The following CCNF variants were observed in gnomAD, a reference collection of about 807,000 sequenced individuals.
The protein encoded by CCNF is cyclin-F.
CCNF carries 30 observed loss-of-function variants against 85.4 expected under a neutral mutation model. The ratio of observed to expected loss-of-function variants is 0.35; its 90% CI spans 0.26 to 0.48. CCNF has a LOEUF of 0.48. Ranked by LOEUF, CCNF falls within the 20% of genes least tolerant of loss-of-function variation. The pLI is 0.99. For synonymous variants in CCNF, 439 were observed against 425.1 expected (o/e 1.03, Z -0.40); for missense variants, 919 against 1,010.4 (o/e 0.91, Z 1.23).
Position 2,458,086 on chromosome 16 carries a change from A to T in CCNF, c.*1066A>T, listed in dbSNP as rs559133661. On this transcript the variant is annotated 3_prime_UTR_variant, in exon 17 of 17. Transcript: ENST00000397066. ...ACGGAGACTCTGCTCCTGCATGGAA[A>T]GGGAGCCTGGGAGCCAGCAGCCCAC... 6.6e-6 allele frequency: 1 copy of T among 152,158 alleles called. No individual in the cohort carries two copies. Among genetic ancestry groups the T allele is most frequent in the South Asian group, 2.1e-4 (1 of 4,822 alleles). 9.4% of individuals were successfully genotyped at this position (152,158 alleles called of 1,614,324 possible). A position where few individuals can be genotyped will look rare whatever the true frequency, so the allele number is the denominator to read the frequency against.
At position 2,453,467 on chromosome 16, in the gene CCNF, C is replaced by T. The variant is rs749266540; in HGVS notation, c.1645C>T (p.Pro549Ser). ...AGGAGTGACACAAGACAGCCCCGAC[C>T]CCCCGACTTTCCTCAGCACAGGGGA... ...ALGVTQDSPD[P>S]PTFLSTGEIH... is the part of the protein sequence containing the mutation. Residue 549 changes from proline (P) to serine (S), a missense_variant, in exon 15 of 17, where the codon CCC (proline) becomes TCC (serine). Pro to Ser is a moderately conservative substitution (Grantham distance 74). Transcript: ENST00000397066. This position sits in a 1 kb window ranked among gnomAD's most constrained non-coding sequence, Gnocchi z 5.6. 58 of 1,613,960 alleles carry T rather than the reference C, an allele frequency of 3.6e-5. No homozygotes were observed. Among genetic ancestry groups the T allele is most frequent in the Non-Finnish European group, 4.3e-5 (51 of 1,180,008 alleles).
At chr16:2,443,533 G>T in intron 8 of CCNF, 116 bp from the exon 9 acceptor site, 1 of 942,796 alleles carries the variant, frequency 1.1e-6, no homozygotes, top group Non-Finnish European at 1.6e-6. Flanking sequence ...GAAGGTTTAA[G>T]TTAAGTAGGG....
Position 2,456,305 on chromosome 16 carries a change from G to C in CCNF, c.1886-240G>C. ...CAGTTTCCCGGTTGCTTGCTTCTGCGTCCACTTGGCTTGAGCTAGATGGCC... is the reference window on the plus strand; with the variant it reads ...CAGTTTCCCGGTTGCTTGCTTCTGCCTCCACTTGGCTTGAGCTAGATGGCC... On this transcript the variant is annotated intron_variant, in intron 16 of 16. Transcript: ENST00000397066. The surrounding 1 kb of genome is among the most constrained non-coding windows in gnomAD (Gnocchi z 4.5). 1 of 457,702 alleles carries C rather than the reference G, an allele frequency of 2.2e-6. No individual in the cohort carries two copies. The highest frequency in any genetic ancestry group is 3.9e-6 in the Non-Finnish European group (1 of 259,114). 28.4% of individuals were successfully genotyped at this position (457,702 alleles called of 1,614,324 possible).
rs2065403116 is a variant in CCNF, at chr16:2,452,977, A to G, written c.1488-233A>G. On this transcript the variant is annotated intron_variant, in intron 13 of 16. Coordinates refer to ENST00000397066, the MANE Select transcript of CCNF (RefSeq NM_001761.3). The surrounding 1 kb of genome is among the most constrained non-coding windows in gnomAD (Gnocchi z 4.1). ...GCCTATTGTGAACAGTCCTGCCATG[A>G]ACATTCTAGTACAGGTTTCTGTGTG... 1 of 580,716 alleles carries G rather than the reference A, an allele frequency of 1.7e-6. No homozygotes were observed. The highest frequency in any genetic ancestry group is 3.0e-5 in the Admixed American group (1 of 33,642). 36.0% of individuals were successfully genotyped at this position (580,716 alleles called of 1,614,324 possible). A position where few individuals can be genotyped will look rare whatever the true frequency, so the allele number is the denominator to read the frequency against.
At chr16:2,438,635 A>G (rs1435893400) in intron 6 of CCNF, among the ~76,000 whole-genome samples, 1 of 150,086 alleles carries the variant, frequency 6.7e-6, no homozygotes, top group East Asian at 2.0e-4. Flanking sequence ...AGTGAGACTC[A>G]GTCTCAGAAA....
At position 2,437,848 on chromosome 16, in the gene CCNF, G is replaced by A. The variant is rs778842501; in HGVS notation, c.541-222G>A. 306 of 520,274 alleles carry A rather than the reference G, an allele frequency of 5.9e-4. 1 individual carries two copies. Among genetic ancestry groups the A allele is most frequent in the African/African-American group, 1.1e-3 (57 of 51,802 alleles). 32.2% of individuals were successfully genotyped at this position (520,274 alleles called of 1,614,324 possible). On this transcript the variant is annotated intron_variant, in intron 5 of 16. Transcript: ENST00000397066. ...TGGGAGGTTGAGCTTGCAATGAGCC[G>A]TGACTATGCCAATGCACTCCAGCCT...
intron 2 of CCNF, 54 bp from the exon 3 acceptor site, chr16:2,432,907 G>T: frequency 9.0e-7 from 1 of 1,108,872 alleles, no homozygotes. Context: ...CTCCAGGTGT[G>T]GGGCTTTTGG....
In CCNF at chr16:2,448,878, C is replaced by G. The variant is rs530420264; in HGVS notation, c.1118C>G (p.Thr373Ser). The G allele has an allele frequency of 3.1e-6, 5 of 1,613,916 alleles. No homozygotes were observed. Among genetic ancestry groups the G allele is most frequent in the African/African-American group, 1.3e-5 (1 of 75,062 alleles). Residue 373 changes from threonine (T) to serine (S), a missense_variant, in exon 11 of 17, where the codon ACC (threonine) becomes AGC (serine). Around this residue, in one of 3 missense-constraint regions of CCNF, gnomAD observed 410 missense variants for 478.6 expected, o/e 0.86. Coordinates refer to ENST00000397066, the MANE Select transcript of CCNF (RefSeq NM_001761.3). ...CTRFISKEIL[T>S]IREAVWLTDN... is the part of the protein sequence containing the mutation. ...AGGTTTATCAGTAAAGAGATCCTGA[C>G]CATCCGGGAGGCCGTATGGCTCACG... is the stretch of plus-strand genomic sequence containing the variant.
chr16:2,443,913 C>T, intron 9 of CCNF, 113 bp downstream of exon 9: 1 of 883,926 alleles, frequency 1.1e-6, no homozygotes, highest in East Asian at 2.8e-5. Context: ...GCATAGAGTT[C>T]CCTTATCACC....
Position 2,448,842 on chromosome 16 carries a change from C to G in CCNF, c.1095-13C>G, listed in dbSNP as rs1286254509. On this transcript the variant is annotated splice_polypyrimidine_tract_variant and intron_variant, in intron 10 of 16. Transcript: ENST00000397066. ...AGTGGGCTCCACCCTGAGACCCCTTCTCGGCGTTGCAGGTTTATCAGTAAA... is the reference window on the plus strand; with the variant it reads ...AGTGGGCTCCACCCTGAGACCCCTTGTCGGCGTTGCAGGTTTATCAGTAAA... 1 of 1,613,030 alleles carries G rather than the reference C, an allele frequency of 6.2e-7. No homozygotes were observed. The highest frequency in any genetic ancestry group is 8.5e-7 in the Non-Finnish European group (1 of 1,179,260).
Position 2,439,777 on chromosome 16 carries a change from G to C in CCNF, c.728G>C (p.Ser243Thr), listed in dbSNP as rs1443719473. ...TCAGATCCTGGGCGATGCCTCCACA[G>C]CTTCCGAAAACTCAGGGACTACGCT... ...DVSDPGRCLH[S>T]FRKLRDYAAK... The change falls in exon 8 of 17, where the codon AGC (serine) becomes ACC (threonine). Residue 243 changes from serine (S) to threonine (T), a missense_variant. Coordinates refer to ENST00000397066, the MANE Select transcript of CCNF (RefSeq NM_001761.3). 6.2e-7 allele frequency: 1 copy of C among 1,614,196 alleles called. No individual in the cohort carries two copies. The highest frequency in any genetic ancestry group is 8.5e-7 in the Non-Finnish European group (1 of 1,180,008).
chr16:2,451,256 CCCTT>C lies in CCNF; in HGVS notation c.1487+1343_1487+1346del. Among the ~76,000 whole-genome samples, 1 of 152,322 alleles carries C rather than the reference CCCTT, an allele frequency of 6.6e-6. No homozygotes were observed. Among genetic ancestry groups the C allele is most frequent in the Middle Eastern group, 3.4e-3 (1 of 294 alleles). On this transcript the variant is annotated intron_variant, in intron 13 of 16. Coordinates refer to ENST00000397066, the MANE Select transcript of CCNF (RefSeq NM_001761.3). This position sits in a 1 kb window ranked among gnomAD's most constrained non-coding sequence, Gnocchi z 4.3. ...GCAGGTGGCGCGGGCGGGGGCGACT[CCCTT>C]CAGGGAGCGTAGCCGGGGTCACCTG...
intron 10 of CCNF, among the ~76,000 whole-genome samples, chr16:2,448,634 G>A (rs564220287): frequency 1.3e-5 from 2 of 152,194 alleles, no homozygotes; most frequent in South Asian, 2.1e-4. Flanking sequence ...GGGTGGTCTC[G>A]AACTCCTGGC....
At chr16:2,455,255 G>A (rs1026047332) in intron 15 of CCNF, 140 bp from the exon 16 acceptor site, 67 of 1,139,692 alleles carry the variant, frequency 5.9e-5, no homozygotes, top group Admixed American at 1.8e-4. Context: ...TAGCTTCACC[G>A]GCATCTTCTT....
chr16:2,457,253 C>A lies in CCNF; in HGVS notation c.*233C>A, dbSNP rs895394399. ...CTCTTTGGAAAGTTTAGCCTGGAAG[C>A]AGTTGGCCACACTGTGTGGAGGGCA... On this transcript the variant is annotated 3_prime_UTR_variant, in exon 17 of 17. Coordinates refer to ENST00000397066, the MANE Select transcript of CCNF (RefSeq NM_001761.3). 1 of 479,916 alleles carries A rather than the reference C, an allele frequency of 2.1e-6. No individual in the cohort carries two copies. The highest frequency in any genetic ancestry group is 3.9e-5 in the Admixed American group (1 of 25,874). 29.7% of individuals were successfully genotyped at this position (479,916 alleles called of 1,614,324 possible).
At position 2,455,331 on chromosome 16, in the gene CCNF, G is replaced by T. The variant is rs554344820; in HGVS notation, c.1716-64G>T. ...CACGCGGGTGTTAGAGGCAGGTGTGGAGGGCCTGGCCTCCCAGCGCCGCCG... is the reference window on the plus strand; with the variant it reads ...CACGCGGGTGTTAGAGGCAGGTGTGTAGGGCCTGGCCTCCCAGCGCCGCCG... On this transcript the variant is annotated intron_variant, in intron 15 of 16. Coordinates refer to ENST00000397066, the MANE Select transcript of CCNF (RefSeq NM_001761.3). 258 of 1,485,366 alleles carry T rather than the reference G, an allele frequency of 1.7e-4. 2 individuals are homozygous for T. In the Middle Eastern group the frequency reaches 2.1e-3, roughly 12 times the overall value. 92.0% of individuals were successfully genotyped at this position (1,485,366 alleles called of 1,614,324 possible).
chr16:2,438,242 C>T lies in CCNF; in HGVS notation c.594+119C>T, dbSNP rs1480935466. 6.2e-6 allele frequency: 5 copies of T among 803,438 alleles called. No individual in the cohort carries two copies. The African/African-American group carries it at 8.4e-5, about 14-fold the overall frequency. The allele number at this position is 803,438 out of a possible 1,614,324, so 49.8% of individuals were successfully genotyped here. On this transcript the variant is annotated intron_variant, in intron 6 of 16. Coordinates refer to ENST00000397066, the MANE Select transcript of CCNF (RefSeq NM_001761.3). ...GGCCCAAAACAAAAGGCAAGCCTTG[C>T]CCAGAAAGGCCTAGCTGGAGAAGCC...
rs536039715 is a variant in CCNF at position 2,443,898 on chromosome 16, G to C, written c.929+98G>C. The C allele has an allele frequency of 7.8e-6, 9 of 1,150,248 alleles. No homozygotes were observed. In the South Asian group the frequency reaches 1.2e-4, roughly 15 times the overall value. The allele number at this position is 1,150,248 out of a possible 1,614,324, so 71.3% of individuals were successfully genotyped here. ...CACTTAACCCCAGTTACCTGTGACA[G>C]GGCGGCATAGAGTTCCCTTATCACC... On this transcript the variant is annotated intron_variant, in intron 9 of 16. Coordinates refer to ENST00000397066, the MANE Select transcript of CCNF (RefSeq NM_001761.3).
At position 2,449,320 on chromosome 16, in the gene CCNF, G is replaced by A. The variant is rs775814110; in HGVS notation, c.1257G>A (p.Thr419=). The A allele has an allele frequency of 3.1e-6, 5 of 1,613,882 alleles. No homozygotes were observed. The highest frequency in any genetic ancestry group is 1.6e-4 in the Middle Eastern group (1 of 6,062). The change falls in exon 12 of 17, where the codon ACG becomes ACA. Residue 419 remains threonine (T), a synonymous_variant. Transcript: ENST00000397066. ...TGGATTACAAGGAGGTCCTGCTGAC[G>A]CTAGTCCCTGTGGAGCTGAGAACCC... ...TVVDYKEVLL[T]LVPVELRTQH...
Sources: gnomAD v4.1 joint callset for allele counts (sites outside exome capture counted in the v4.1 genomes callset) on GRCh38, gnomAD v4.1.1 for gene constraint, gnomAD v4.1.1 regional missense constraint, Gnocchi (gnomAD v3.1) non-coding constraint, MANE v1.5 for transcripts, NCBI Gene and HGNC (gene_info 2026-07-23, HGNC 2026-07-21) for gene names.